The following NAALADL2 variants were observed in gnomAD, a reference collection of about 807,000 sequenced individuals.
The protein encoded by NAALADL2 is N-acetylated alpha-linked acidic dipeptidase like 2.
NAALADL2 carries 76 observed loss-of-function variants against 87.2 expected under a neutral mutation model. The observed-to-expected ratio is 0.87, with a 90% CI of 0.72 to 1.05. The LOEUF (loss-of-function observed/expected upper bound fraction) is 1.05, where lower values mean the gene tolerates loss of function less well. NAALADL2 is among the 50% of genes least tolerant of loss of function. NAALADL2 has a pLI of 0.00. For synonymous variants in NAALADL2, 354 were observed against 331.0 expected (o/e 1.07, Z -0.75); for missense variants, 1,089 against 945.8 (o/e 1.15, Z -1.99).
chr3:175,807,457 G>C lies in NAALADL2; in HGVS notation c.*4254G>C, dbSNP rs958632370. 1 of 151,918 alleles carries C rather than the reference G, an allele frequency of 6.6e-6. No homozygotes were observed. Among genetic ancestry groups the C allele is most frequent in the Non-Finnish European group, 1.5e-5 (1 of 67,880 alleles). 9.4% of individuals were successfully genotyped at this position (151,918 alleles called of 1,614,324 possible). On this transcript the variant is annotated 3_prime_UTR_variant, in exon 14 of 14. Transcript: ENST00000454872. ...CAAAAATGTTCTCATGAGACATTCT[G>C]TGATATGTGTAATTGATTACTCCAA...
chr3:174,883,251 A>T (rs1253797650), intron 1 of NAALADL2, among the ~76,000 whole-genome samples: 1 of 152,026 alleles, frequency 6.6e-6, no homozygotes, highest in Admixed American at 6.6e-5. Context: ...CTACACCCTC[A>T]CAGAAACACA....
chr3:174,479,332 C>A (rs1313517845), intron 1 of NAALADL2, among the ~76,000 whole-genome samples: 1 of 152,024 alleles, frequency 6.6e-6, no homozygotes, highest in African/African-American at 2.4e-5. Flanking sequence ...AAGTAATATG[C>A]TAAGTATTAT....
Position 175,793,310 on chromosome 3 carries a change from T to TC in NAALADL2, c.2190-9695_2190-9694insC, listed in dbSNP as rs1281569854. ...ATAACAAAACAGCATTTTCTTTCTT[T>TC]TTTTTTTTTTTTTTTCGAGACGGAG... On this transcript the variant is annotated intron_variant, in intron 13 of 13. Transcript: ENST00000454872. 4.3e-3 allele frequency among the ~76,000 whole-genome samples: 633 copies of TC among 147,526 alleles called. 6 individuals carry two copies. Among genetic ancestry groups the TC allele is most frequent in the African/African-American group, 0.015 (601 of 40,466 alleles).
At chr3:174,687,404 T>C (rs1336177373) in intron 2 of NAALADL2, among the ~76,000 whole-genome samples, 1 of 152,110 alleles carries the variant, frequency 6.6e-6, no homozygotes, top group Non-Finnish European at 1.5e-5. Flanking sequence ...CATTAGTATA[T>C]CAAATGTTTA....
intron 4 of NAALADL2, among the ~76,000 whole-genome samples, chr3:175,284,206 TG>T (rs1754694762): frequency 6.7e-6 from 1 of 149,402 alleles, no homozygotes; most frequent in Non-Finnish European, 1.5e-5. Flanking sequence ...TTTTCTGTCT[TG>T]CTTTAAATGT....
chr3:175,451,525 T>G (rs1721577392), intron 6 of NAALADL2, among the ~76,000 whole-genome samples: 1 of 152,140 alleles, frequency 6.6e-6, no homozygotes, highest in African/African-American at 2.4e-5. Flanking sequence ...GAAAGCTTAA[T>G]TTTCACATAT....
At chr3:175,789,667 T>C (rs1752539344) in intron 13 of NAALADL2, among the ~76,000 whole-genome samples, 1 of 152,136 alleles carries the variant, frequency 6.6e-6, no homozygotes. Flanking sequence ...TTCTTCTCTA[T>C]TTAGGGCCAC....
chr3:174,482,505 T>C (rs528147159), intron 1 of NAALADL2, among the ~76,000 whole-genome samples: 2 of 152,198 alleles, frequency 1.3e-5, no homozygotes, highest in African/African-American at 2.4e-5. Context: ...TAATTATTGA[T>C]GCTAAAGAAC....
In NAALADL2 at chr3:175,287,003, C is replaced by T. The variant is rs1461916127; in HGVS notation, c.939+30473C>T. Among the ~76,000 whole-genome samples the T allele has an allele frequency of 5.5e-5, 8 of 145,450 alleles. 1 individual carries two copies. The highest frequency in any genetic ancestry group is 4.0e-4 in the East Asian group (2 of 4,968). On this transcript the variant is annotated intron_variant, in intron 4 of 13. Transcript: ENST00000454872. ...GGGGTGGAGGGGTGTGGGGATGGGG[C>T]GGAGGTGGAGTAGGAGGATCCCTTG...
chr3:174,677,224 T>C (rs1383385289), intron 2 of NAALADL2, among the ~76,000 whole-genome samples: 1 of 151,876 alleles, frequency 6.6e-6, no homozygotes, highest in Non-Finnish European at 1.5e-5. Context: ...CTTAAACATA[T>C]GTGTTTAAAC....
intron 3 of NAALADL2, among the ~76,000 whole-genome samples, chr3:174,764,082 T>C (rs1713452564): frequency 6.6e-6 from 1 of 152,196 alleles, no homozygotes. Flanking sequence ...AACACAAAGG[T>C]ATTTACTACC....
intron 10 of NAALADL2, among the ~76,000 whole-genome samples, chr3:175,610,464 C>T (rs1724468714): frequency 6.6e-6 from 1 of 152,064 alleles, no homozygotes; most frequent in South Asian, 2.1e-4. Flanking sequence ...GAATTTTTCT[C>T]ATGACCACAC....
chr3:174,939,476 C>A (rs1738239825), intron 1 of NAALADL2, among the ~76,000 whole-genome samples: 1 of 151,840 alleles, frequency 6.6e-6, no homozygotes, highest in Non-Finnish European at 1.5e-5. Context: ...GTAACATTAC[C>A]TTGGCATTTG....
chr3:175,391,979 C>A (rs536285884), intron 5 of NAALADL2, among the ~76,000 whole-genome samples: 1 of 152,204 alleles, frequency 6.6e-6, no homozygotes, highest in Admixed American at 6.5e-5. Flanking sequence ...TCGCAACCTC[C>A]CTATGAGGTA....
rs183992536 is a variant in NAALADL2 at position 175,454,048 on chromosome 3, G to A, written c.1234+6676G>A. On this transcript the variant is annotated intron_variant, in intron 6 of 13. Coordinates refer to ENST00000454872, the MANE Select transcript of NAALADL2 (RefSeq NM_207015.3). The stretch of plus-strand genomic sequence containing the variant: ...GTTTGTATTGGTATCTTTATGCTAC[G>A]TATTTTTTGCTTTCAACCTTCCTGT... 2.4e-3 allele frequency among the ~76,000 whole-genome samples: 365 copies of A among 151,934 alleles called. 2 individuals are homozygous for A. Among genetic ancestry groups the A allele is most frequent in the African/African-American group, 8.0e-3 (332 of 41,480 alleles).
At chr3:175,564,988 T>C (rs1278797761) in intron 9 of NAALADL2, among the ~76,000 whole-genome samples, 2 of 152,236 alleles carry the variant, frequency 1.3e-5, no homozygotes, top group African/African-American at 4.8e-5. Flanking sequence ...TGGAGTCTTT[T>C]AATCTAATAA....
At chr3:175,020,690 A>G (rs1356792201) in intron 1 of NAALADL2, among the ~76,000 whole-genome samples, 3 of 152,004 alleles carry the variant, frequency 2.0e-5, no homozygotes, top group Non-Finnish European at 4.4e-5. Flanking sequence ...CTGCTTGGCT[A>G]TTATCTCTAA....
At chr3:174,627,558 T>TAAAAATAAACTAAAA (rs1721698962) in intron 2 of NAALADL2, among the ~76,000 whole-genome samples, 1 of 152,182 alleles carries the variant, frequency 6.6e-6, no homozygotes, top group Non-Finnish European at 1.5e-5. Context: ...AGAACTAAAC[T>TAAAAATAAACTAAAA]TTGATCCAGC....
intron 2 of NAALADL2, among the ~76,000 whole-genome samples, chr3:174,591,427 T>A (rs1398772710): frequency 1.3e-5 from 2 of 152,196 alleles, no homozygotes; most frequent in Non-Finnish European, 2.9e-5. Context: ...TATAACCATC[T>A]GCTATGGCAT....
Sources: allele counts gnomAD v4.1 joint callset (sites outside exome capture counted in the v4.1 genomes callset), GRCh38; gene constraint gnomAD v4.1.1; transcripts MANE v1.5; gene names NCBI Gene and HGNC (gene_info 2026-07-23, HGNC 2026-07-21).